Variants in ABLIM1 observed in about 807,000 individuals in gnomAD.
ABLIM1 encodes the protein actin-binding LIM protein 1.
In ABLIM1, 40 loss-of-function variants were observed where a neutral mutation model predicts 107.0. That is an observed-to-expected ratio of 0.37 (90% CI 0.29 to 0.49). The LOEUF (loss-of-function observed/expected upper bound fraction) is 0.49, where lower values mean the gene tolerates loss of function less well. ABLIM1 is among the 20% of genes least tolerant of loss of function. ABLIM1 has a pLI of 0.97. For missense variants in ABLIM1, 857 were observed against 1,008.5 expected (o/e 0.85, Z 2.04); for synonymous variants, 357 against 357.3 (o/e 1.00, Z 0.01).
At chr10:114,526,950 C>G in intron 6 of ABLIM1, 1 of 985,482 alleles carries the variant, frequency 1.0e-6, no homozygotes, top group Middle Eastern at 5.2e-4. Flanking sequence ...GTTCAACACA[C>G]CAGCAACCAC....
chr10:114,758,338 T>C (rs938418927), intron 1 of ABLIM1, among the ~76,000 whole-genome samples: 4 of 152,152 alleles, frequency 2.6e-5, no homozygotes, highest in African/African-American at 9.7e-5. Flanking sequence ...ACAGAATAGA[T>C]TCTCCTAAAA....
intron 1 of ABLIM1, among the ~76,000 whole-genome samples, chr10:114,667,820 A>G (rs748429291): frequency 2.0e-5 from 3 of 152,190 alleles, no homozygotes; most frequent in Non-Finnish European, 2.9e-5. Context: ...AGACTCATCC[A>G]TATTCCCCCA....
chr10:114,536,223 CTTTGTTTTTT>C lies in ABLIM1; in HGVS notation c.894+8772_894+8781del, dbSNP rs1250908194. Among the ~76,000 whole-genome samples the C allele has an allele frequency of 5.1e-3, 410 of 80,438 alleles. 9 individuals carry two copies. Among genetic ancestry groups the C allele is most frequent in the Middle Eastern group, 0.013 (2 of 154 alleles). The allele number at this position is 80,438 out of a possible 152,430, so 52.8% of individuals were successfully genotyped here. ...TTTGTGACTGTCTTTTTCCTTCTTT[CTTTGTTTTTT>C]TTTTTTTTTTTTTTTTTTTTTTTTT... is the stretch of plus-strand genomic sequence containing the variant. On this transcript the variant is annotated intron_variant, in intron 6 of 22. Coordinates refer to ENST00000533213, the MANE Select transcript of ABLIM1 (RefSeq NM_002313.7).
intron 6 of ABLIM1, among the ~76,000 whole-genome samples, chr10:114,500,344 C>A (rs2060221431): frequency 1.3e-5 from 2 of 152,106 alleles, no homozygotes; most frequent in Admixed American, 1.3e-4. Context: ...AAATTCTAGA[C>A]TGAAAATTGG....
intron 1 of ABLIM1, among the ~76,000 whole-genome samples, chr10:114,612,237 G>A (rs2076856603): frequency 1.3e-5 from 2 of 152,196 alleles, no homozygotes; most frequent in Non-Finnish European, 2.9e-5. Context: ...CACAGCAGGA[G>A]TGAGTGAATT....
At chr10:114,717,683 A>G in intron 1 of ABLIM1, among the ~76,000 whole-genome samples, 1 of 151,976 alleles carries the variant, frequency 6.6e-6, no homozygotes, top group Non-Finnish European at 1.5e-5. Context: ...GGGAGGCTGA[A>G]GCGGGTGGAT....
intron 11 of ABLIM1, among the ~76,000 whole-genome samples, chr10:114,467,297 G>A (rs181731190): frequency 9.2e-5 from 14 of 152,190 alleles, no homozygotes; most frequent in Non-Finnish European, 1.9e-4. Context: ...ATATAAAACT[G>A]TCTAAAGAGT....
chr10:114,794,054 G>A, the ABLIM1 span, among the ~76,000 whole-genome samples: 2 of 152,114 alleles, frequency 1.3e-5, no homozygotes, highest in South Asian at 2.1e-4. Context: ...CAGTCTGGCC[G>A]CTGCTTCTCC....
chr10:114,700,505 C>CACACACACACACAT, intron 1 of ABLIM1, among the ~76,000 whole-genome samples: 1 of 152,092 alleles, frequency 6.6e-6, no homozygotes, highest in African/African-American at 2.4e-5. Flanking sequence ...CACACACACA[C>CACACACACACACAT]ACACACACAC....
At chr10:114,660,013 T>C (rs78834268), upstream of ABLIM1, among the ~76,000 whole-genome samples, 5,556 of 152,266 alleles carry the variant, frequency 0.036, 352 homozygotes, top group African/African-American at 0.13. Flanking sequence ...AATTATTCTA[T>C]GCCAATGTGA....
intron 12 of ABLIM1, among the ~76,000 whole-genome samples, chr10:114,462,755 AAT>A (rs60395105): frequency 0.37 from 55,239 of 150,152 alleles, 10,264 homozygotes; most frequent in Middle Eastern, 0.42. Flanking sequence ...ACAAAATAAT[AAT>A]ATATATATAT....
chr10:114,455,745 T>G (rs931652226), intron 12 of ABLIM1, among the ~76,000 whole-genome samples: 1 of 152,112 alleles, frequency 6.6e-6, no homozygotes. Flanking sequence ...TTTCTCTAAA[T>G]TAAAGGAAGC....
At chr10:114,781,652 ATATATATGCGTG>A in the ABLIM1 span, among the ~76,000 whole-genome samples, 2 of 74,988 alleles carry the variant, frequency 2.7e-5, no homozygotes, top group East Asian at 5.1e-4. Context: ...GTGTGTGTAT[ATATATATGCGTG>A]TATATATATA....
At chr10:114,713,577 C>A (rs1484643534) in intron 1 of ABLIM1, among the ~76,000 whole-genome samples, 1 of 152,144 alleles carries the variant, frequency 6.6e-6, no homozygotes, top group African/African-American at 2.4e-5. Flanking sequence ...CATTTCCTAC[C>A]ACTGGTATTT....
chr10:114,684,896 C>T (rs894564885), exon 1 of ABLIM1: 6 of 244,798 alleles, frequency 2.5e-5, no homozygotes, highest in African/African-American at 1.4e-4. Flanking sequence ...TTATTTTCTT[C>T]ACTACTAGAA....
chr10:114,520,292 C>G (rs919789264), intron 6 of ABLIM1, among the ~76,000 whole-genome samples: 1 of 152,178 alleles, frequency 6.6e-6, no homozygotes, highest in Non-Finnish European at 1.5e-5. Flanking sequence ...GTGGAACATC[C>G]TGGGGCCAAT....
At chr10:114,633,975 C>G (rs911108552) in intron 1 of ABLIM1, among the ~76,000 whole-genome samples, 1 of 151,864 alleles carries the variant, frequency 6.6e-6, no homozygotes, top group Admixed American at 6.6e-5. Flanking sequence ...AAGGAAGCAG[C>G]TTTCTTTCTC....
intron 1 of ABLIM1, among the ~76,000 whole-genome samples, chr10:114,764,477 G>C (rs2082833691): frequency 6.6e-6 from 1 of 152,120 alleles, no homozygotes; most frequent in Admixed American, 6.5e-5. Flanking sequence ...GAGTAGCTGG[G>C]ATTACAGGCG....
intron 1 of ABLIM1, among the ~76,000 whole-genome samples, chr10:114,603,284 T>C (rs2076164575): frequency 6.6e-6 from 1 of 152,218 alleles, no homozygotes; most frequent in Non-Finnish European, 1.5e-5. Context: ...GTGTTCTCAT[T>C]TTGCCTGGCA....
Sources: gnomAD v4.1 joint callset for allele counts (sites outside exome capture counted in the v4.1 genomes callset) on GRCh38, gnomAD v4.1.1 for gene constraint, MANE v1.5 for transcripts, NCBI Gene and HGNC (gene_info 2026-07-23, HGNC 2026-07-21) for gene names.